Variants in TUFT1 observed in about 807,000 individuals in gnomAD.
TUFT1 encodes tuftelin 1.
Under a neutral mutation model 57.8 loss-of-function variants are expected in TUFT1, and 43 were observed. The observed-to-expected ratio is 0.74, with a 90% CI of 0.58 to 0.96. TUFT1 has a LOEUF of 0.96. Among genes scored for constraint, TUFT1 ranks in the 40% least tolerant of loss-of-function variants. The probability of loss-of-function intolerance (pLI) is 0.00; values close to 1 mark genes in which losing one functional copy is unlikely to be tolerated. For missense variants in TUFT1, 459 were observed against 489.0 expected (o/e 0.94, Z 0.58); for synonymous variants, 166 against 176.7 (o/e 0.94, Z 0.48).
chr1:151,571,252 G>A (rs1435360363), intron 7 of TUFT1, among the ~76,000 whole-genome samples: 1 of 152,192 alleles, frequency 6.6e-6, no homozygotes, highest in Non-Finnish European at 1.5e-5. Flanking sequence ...ATGATAAACT[G>A]CTTCTATGTT....
intron 7 of TUFT1, among the ~76,000 whole-genome samples, chr1:151,570,381 A>G (rs999122405): frequency 6.6e-6 from 1 of 152,126 alleles, no homozygotes; most frequent in Non-Finnish European, 1.5e-5. Flanking sequence ...TCCCGGATTC[A>G]AGCAATTCTC....
At chr1:151,575,069 G>T (rs1666418966) in intron 9 of TUFT1, 64 bp downstream of exon 9, 1 of 1,417,702 alleles carries the variant, frequency 7.1e-7, no homozygotes, top group Non-Finnish European at 9.7e-7. Context: ...AGGCCATACA[G>T]CCTGTTGCTC....
chr1:151,557,672 A>G (rs1323902516), intron 1 of TUFT1: 9 of 894,406 alleles, frequency 1.0e-5, no homozygotes, highest in Non-Finnish European at 9.5e-6. Flanking sequence ...GAGGGCATCC[A>G]GTATCTCCGT....
chr1:151,557,513 A>G (rs1269425729), intron 1 of TUFT1: 50 of 1,380,204 alleles, frequency 3.6e-5, no homozygotes, highest in African/African-American at 5.7e-5. Context: ...ATGGTGGCCA[A>G]GAAGGATGTC....
At chr1:151,572,583 G>A (rs1666292889) in intron 7 of TUFT1, among the ~76,000 whole-genome samples, 1 of 152,032 alleles carries the variant, frequency 6.6e-6, no homozygotes, top group African/African-American at 2.4e-5. Context: ...GGTTAATATG[G>A]GTCATATGAA....
At chr1:151,560,693 A>G (rs1665854848) in intron 1 of TUFT1, among the ~76,000 whole-genome samples, 1 of 152,060 alleles carries the variant, frequency 6.6e-6, no homozygotes, top group African/African-American at 2.4e-5. Context: ...TGTCTGGGAG[A>G]GGCATATACT....
intron 1 of TUFT1, among the ~76,000 whole-genome samples, chr1:151,544,996 G>A (rs1444121597): frequency 6.6e-6 from 1 of 152,098 alleles, no homozygotes; most frequent in Non-Finnish European, 1.5e-5. Context: ...ACTAGTTTCT[G>A]TTAATAGCAT....
In TUFT1 at chr1:151,574,469, G is replaced by A. The variant is rs953489020; in HGVS notation, c.723+71G>A. On this transcript the variant is annotated intron_variant, in intron 8 of 12. Coordinates refer to ENST00000368849, the MANE Select transcript of TUFT1 (RefSeq NM_020127.3). ...AAGGGGCCTGCAGGTGGATCGAAAC[G>A]GTTGCCGAGACCCTTCTTTTCCAAG... 60 of 1,581,958 alleles carry A rather than the reference G, an allele frequency of 3.8e-5. No individual in the cohort carries two copies. In the African/African-American group the frequency reaches 7.6e-4, roughly 20 times the overall value.
At chr1:151,580,658 T>C (rs1571723730) in intron 11 of TUFT1, among the ~76,000 whole-genome samples, 1 of 80,762 alleles carries the variant, frequency 1.2e-5, no homozygotes, top group Non-Finnish European at 2.4e-5. Context: ...TGAGACCCTA[T>C]CTCAAAAAAA....
At chr1:151,555,929 G>A (rs1353890384) in intron 1 of TUFT1, among the ~76,000 whole-genome samples, 9 of 152,080 alleles carry the variant, frequency 5.9e-5, no homozygotes, top group Admixed American at 5.9e-4. Flanking sequence ...CATTGATACA[G>A]TCAAGCTATG....
At chr1:151,567,431 A>G (rs1666119983) in intron 6 of TUFT1, among the ~76,000 whole-genome samples, 1 of 152,052 alleles carries the variant, frequency 6.6e-6, no homozygotes, top group South Asian at 2.1e-4. Context: ...ACAGGGTCTC[A>G]TCATGTTTCC....
In TUFT1 at chr1:151,569,937, G is replaced by A. The variant is rs147227272; in HGVS notation, c.594+167G>A. On this transcript the variant is annotated intron_variant, in intron 7 of 12. Transcript: ENST00000368849. ...TTGTCTGCTTTTCCCTCTCCTGGAC[G>A]TTTACACTGTTTACTGTCCAAGGCC... 194 of 581,754 alleles carry A rather than the reference G, an allele frequency of 3.3e-4. No homozygotes were observed. In the African/African-American group the frequency reaches 3.3e-3, roughly 10 times the overall value. 36.0% of individuals were successfully genotyped at this position (581,754 alleles called of 1,614,324 possible).
intron 11 of TUFT1, 68 bp from the exon 12 acceptor site, chr1:151,580,874 C>G: frequency 7.3e-7 from 1 of 1,372,388 alleles, no homozygotes; most frequent in Non-Finnish European, 1.0e-6. Flanking sequence ...GACCAGAATG[C>G]ACTAGCTGAA....
intron 11 of TUFT1, 31 bp downstream of exon 11, chr1:151,579,763 C>T (rs1246289161): frequency 6.2e-7 from 1 of 1,601,978 alleles, no homozygotes; most frequent in East Asian, 2.2e-5. Flanking sequence ...AGCAGGGGAA[C>T]AGGACTCTTG....
rs1666656615 is a variant in TUFT1 at position 151,581,873 on chromosome 1, C to G, written c.*166C>G. 7.2e-6 allele frequency: 5 copies of G among 697,588 alleles called. No homozygotes were observed. In the East Asian group the frequency reaches 1.4e-4, roughly 19 times the overall value. 43.2% of individuals were successfully genotyped at this position (697,588 alleles called of 1,614,324 possible). On this transcript the variant is annotated 3_prime_UTR_variant, in exon 13 of 13. Transcript: ENST00000368849. ...TTCCCAAGCCCCTGGCCACTCTAAG[C>G]TGGGCAGACGGAGCACGAGCACCTA...
chr1:151,581,502 A>G, intron 12 of TUFT1, 142 bp from the exon 13 acceptor site: 1 of 740,506 alleles, frequency 1.4e-6, no homozygotes, highest in South Asian at 1.8e-5. Flanking sequence ...TACTGTTTTA[A>G]AGCACTTGGA....
At chr1:151,549,868 T>A (rs1356792042) in intron 1 of TUFT1, among the ~76,000 whole-genome samples, 1 of 152,122 alleles carries the variant, frequency 6.6e-6, no homozygotes, top group Non-Finnish European at 1.5e-5. Context: ...ACTGCAGGTG[T>A]GCACCACCAC....
At position 151,582,238 on chromosome 1, in the gene TUFT1, T is replaced by G. The variant is rs983469091; in HGVS notation, c.*531T>G. 2.2e-6 allele frequency: 1 copy of G among 455,842 alleles called. No individual in the cohort carries two copies. The highest frequency in any genetic ancestry group is 4.4e-6 in the Non-Finnish European group (1 of 226,796). 28.2% of individuals were successfully genotyped at this position (455,842 alleles called of 1,614,324 possible). ...GCTGCCCTGGCCTCCTGCAGACAGATAGTGGGGTTACCTGGCAAGGCCTGG... is the reference window on the plus strand; with the variant it reads ...GCTGCCCTGGCCTCCTGCAGACAGAGAGTGGGGTTACCTGGCAAGGCCTGG... On this transcript the variant is annotated 3_prime_UTR_variant, in exon 13 of 13. Transcript: ENST00000368849.
chr1:151,546,444 T>G (rs1489972376), intron 1 of TUFT1, among the ~76,000 whole-genome samples: 3 of 152,240 alleles, frequency 2.0e-5, no homozygotes, highest in Non-Finnish European at 4.4e-5. Flanking sequence ...TTCACAGAGT[T>G]GTGCAATCAT....
Sources: gnomAD v4.1 joint callset for allele counts (sites outside exome capture counted in the v4.1 genomes callset) on GRCh38, gnomAD v4.1.1 for gene constraint, MANE v1.5 for transcripts, NCBI Gene and HGNC (gene_info 2026-07-23, HGNC 2026-07-21) for gene names.